UVSSA: variants seen among roughly 807,000 people sequenced by gnomAD.
The protein encoded by UVSSA is UV stimulated scaffold protein A.
A neutral mutation model predicts 73.9 loss-of-function variants in UVSSA; 72 were observed. The ratio of observed to expected loss-of-function variants is 0.97; its 90% confidence interval spans 0.81 to 1.19. The LOEUF is 1.19. Ranked by LOEUF, UVSSA falls within the 50% of genes most tolerant of loss-of-function variation. The pLI is 0.00. For missense variants in UVSSA, 1,150 were observed against 965.0 expected (o/e 1.19, Z -2.54); for synonymous variants, 454 against 391.3 (o/e 1.16, Z -1.89).
chr4:1,357,583 C>A (rs1295932458), intron 7 of UVSSA, among the ~76,000 whole-genome samples: 2 of 152,238 alleles, frequency 1.3e-5, no homozygotes, highest in African/African-American at 4.8e-5. Context: ...TCAGCGCGGC[C>A]ACGGTACCAG....
chr4:1,367,363 T>A (rs888680009), intron 8 of UVSSA, among the ~76,000 whole-genome samples: 5 of 152,158 alleles, frequency 3.3e-5, no homozygotes, highest in African/African-American at 1.2e-4. Context: ...CCTCAGCTTT[T>A]GTGTGGAATG....
intron 8 of UVSSA, among the ~76,000 whole-genome samples, chr4:1,368,050 T>C (rs1717569411): frequency 6.6e-6 from 1 of 152,220 alleles, no homozygotes; most frequent in Non-Finnish European, 1.5e-5. Context: ...CCCCGGAGCA[T>C]GGTGGAAGCA....
intron 9 of UVSSA, 138 bp downstream of exon 9, chr4:1,375,646 G>T: frequency 7.3e-7 from 1 of 1,362,392 alleles, no homozygotes. Flanking sequence ...TGTACCCCCG[G>T]CCGGGTGAGC....
intron 7 of UVSSA, chr4:1,356,450 A>C (rs754310846): frequency 1.3e-5 from 2 of 152,192 alleles, no homozygotes; most frequent in Non-Finnish European, 2.9e-5. Flanking sequence ...ATTTATAGAC[A>C]TGTGGGAGCC....
At chr4:1,350,469 C>T (rs903026759) in intron 3 of UVSSA, among the ~76,000 whole-genome samples, 2 of 152,224 alleles carry the variant, frequency 1.3e-5, no homozygotes, top group African/African-American at 2.4e-5. Flanking sequence ...TTGTTTCAGA[C>T]TCCTGGGTCC....
chr4:1,394,454 A>C, exon 14 of UVSSA: 1 of 1,607,230 alleles, frequency 6.2e-7, no homozygotes, highest in South Asian at 1.1e-5. Flanking sequence ...ACAAAATGTG[A>C]GCCAGGAAAC....
At chr4:1,361,277 C>T (rs1716590614) in intron 7 of UVSSA, among the ~76,000 whole-genome samples, 1 of 152,266 alleles carries the variant, frequency 6.6e-6, no homozygotes, top group Non-Finnish European at 1.5e-5. Flanking sequence ...GCCCACCATG[C>T]TGGCTGGCAG....
chr4:1,351,315 C>T (rs147030499), intron 3 of UVSSA, among the ~76,000 whole-genome samples: 89 of 151,970 alleles, frequency 5.9e-4, no homozygotes, highest in Non-Finnish European at 1.0e-3. Context: ...CCACCTGCTT[C>T]GGCCTCCCAA....
In UVSSA at chr4:1,383,869, C is replaced by A. The variant is rs1369053341; in HGVS notation, c.1965C>A (p.Tyr655Ter). ...AAGGCAGGGGGAAGAAGAGGAGGTA[C>A]CCCAGCCTCACCAACCTGAAGGCTC... ...SGKGRGKKRRYPSLTNLKAQA... is the reference protein window; with the variant it reads ...SGKGRGKKRR The change falls in exon 13 of 14, where the codon TAC becomes TAA. Residue 655 changes from tyrosine to a stop codon, truncating the protein, a stop_gained. Transcript: ENST00000389851. LOFTEE classifies it high-confidence loss of function. 1 of 1,613,438 alleles carries A rather than the reference C, an allele frequency of 6.2e-7. No individual in the cohort carries two copies. The highest frequency in any genetic ancestry group is 2.2e-5 in the East Asian group (1 of 44,886).
chr4:1,368,237 G>C (rs1354973531), intron 8 of UVSSA, among the ~76,000 whole-genome samples: 1 of 152,264 alleles, frequency 6.6e-6, no homozygotes, highest in Non-Finnish European at 1.5e-5. Flanking sequence ...TCCTGGCCTT[G>C]GGCCTCTGCA....
intron 3 of UVSSA, 98 bp downstream of exon 3, chr4:1,349,952 C>A: frequency 8.6e-7 from 1 of 1,169,426 alleles, no homozygotes; most frequent in Non-Finnish European, 1.2e-6. Context: ...GAACCTAGCA[C>A]AGCAGGGGCC....
Position 1,366,346 on chromosome 4 carries a change from AGATGAGGAC to A in UVSSA, c.1213_1221del (p.Asp405_Asp407del). ...CAGAAGCCCTGGGGGATGCGGAGGA[AGATGAGGAC>A]GATGAGGACTTTGTGGAGGTCCCTG... On this transcript the variant is annotated inframe_deletion, in exon 8 of 14. Transcript: ENST00000389851. 2.5e-6 allele frequency: 4 copies of A among 1,613,268 alleles called. No individual in the cohort carries two copies. Among genetic ancestry groups the A allele is most frequent in the Non-Finnish European group, 3.4e-6 (4 of 1,179,614 alleles).
In UVSSA at chr4:1,395,488, A is replaced by G. The variant is rs143010468; in HGVS notation, c.*9527A>G. On this transcript the variant is annotated 3_prime_UTR_variant, in exon 14 of 14. Coordinates refer to the UVSSA transcript ENST00000511216. ...GAGTGCCCGCCTGCTCACACGTGCC[A>G]TTGTGGAGTGCCCGCCTGCTCACAC... The G allele has an allele frequency of 1.8e-4, 239 of 1,303,736 alleles. 1 individual carries two copies. The African/African-American group carries it at 2.6e-3, about 14-fold the overall frequency. The allele number at this position is 1,303,736 out of a possible 1,614,324, so 80.8% of individuals were successfully genotyped here.
intron 7 of UVSSA, chr4:1,356,469 TCGC>T (rs1211018830): frequency 6.6e-6 from 1 of 152,272 alleles, no homozygotes; most frequent in Non-Finnish European, 1.5e-5. Context: ...CCCACTGGCC[TCGC>T]CGCTGGTGTG....
chr4:1,384,676 G>C (rs969813530), intron 13 of UVSSA: 1 of 152,340 alleles, frequency 6.6e-6, no homozygotes, highest in Non-Finnish European at 1.5e-5. Context: ...GTCCCTGCTG[G>C]TGCAGGTTTG....
intron 4 of UVSSA, 111 bp downstream of exon 4, chr4:1,351,946 A>G: frequency 4.0e-6 from 6 of 1,511,954 alleles, no homozygotes; most frequent in Admixed American, 2.0e-5. Context: ...AGGTTTTGAG[A>G]CAGGCTAGGT....
In UVSSA at chr4:1,379,036, G is replaced by A. The variant is rs117262524; in HGVS notation, c.1569-1011G>A. On this transcript the variant is annotated intron_variant, in intron 10 of 13. Transcript: ENST00000389851. ...TGGTCCCTTCTCCCTAGCGTGGGCC[G>A]TGCCTGGGGCTGTGCTCCTGTCTGT... Among the ~76,000 whole-genome samples, 81 of 150,956 alleles carry A rather than the reference G, an allele frequency of 5.4e-4. 3 individuals are homozygous for A. The East Asian group carries it at 0.016, about 29-fold the overall frequency.
At chr4:1,353,866 A>G (rs1715203913) in intron 5 of UVSSA, among the ~76,000 whole-genome samples, 1 of 152,076 alleles carries the variant, frequency 6.6e-6, no homozygotes, top group Admixed American at 6.5e-5. Flanking sequence ...CTGGGAGGAA[A>G]ATGTGTTCCA....
At chr4:1,378,774 C>T (rs913720047) in intron 10 of UVSSA, among the ~76,000 whole-genome samples, 3 of 152,200 alleles carry the variant, frequency 2.0e-5, no homozygotes, top group Middle Eastern at 3.2e-3. Context: ...TTTGGCCGGG[C>T]GGTCAGGCAC....
Sources: gnomAD v4.1 joint callset for allele counts (sites outside exome capture counted in the v4.1 genomes callset) on GRCh38, gnomAD v4.1.1 for gene constraint, MANE v1.5 for transcripts, NCBI Gene and HGNC (gene_info 2026-07-23, HGNC 2026-07-21) for gene names.